ADAMTS3: variants seen among roughly 807,000 people sequenced by gnomAD.
ADAMTS3 encodes ADAM metallopeptidase with thrombospondin type 1 motif 3.
ADAMTS3 carries 73 observed loss-of-function variants against 129.0 expected under a neutral mutation model. The observed-to-expected ratio is 0.57, with a 90% CI of 0.47 to 0.69. The LOEUF (loss-of-function observed/expected upper bound fraction) is 0.69. Ranked by LOEUF, ADAMTS3 falls within the 30% of genes least tolerant of loss-of-function variation. The pLI is 0.00. For synonymous variants in ADAMTS3, 477 were observed against 510.8 expected (o/e 0.93, Z 0.89); for missense variants, 1,457 against 1,514.5 (o/e 0.96, Z 0.63).
intron 3 of ADAMTS3, among the ~76,000 whole-genome samples, chr4:72,441,276 A>G (rs1214141648): frequency 1.3e-5 from 2 of 151,754 alleles, no homozygotes; most frequent in Non-Finnish European, 2.9e-5. Context: ...ATATTTCATT[A>G]TATGAACACA....
chr4:72,303,938 T>C lies in ADAMTS3; in HGVS notation c.2403A>G (p.Leu801=). The part of the protein sequence containing the change: ...DIESLHTDGP[L]HDPVIVLIIP... The stretch of plus-strand genomic sequence containing the variant: ...ATACCAAAACAATAACAGGATCATG[T>C]AAAGGTCCATCGGTGTGAAGACTTT... The change falls in exon 17 of 22, where the codon TTA becomes TTG. Residue 801 remains leucine (L), a synonymous_variant. Transcript: ENST00000286657. 1 of 1,613,594 alleles carries C rather than the reference T, an allele frequency of 6.2e-7. No individual in the cohort carries two copies. Among genetic ancestry groups the C allele is most frequent in the South Asian group, 1.1e-5 (1 of 91,076 alleles).
At chr4:72,520,439 C>T (rs914852505) in intron 3 of ADAMTS3, among the ~76,000 whole-genome samples, 9 of 152,184 alleles carry the variant, frequency 5.9e-5, no homozygotes, top group Non-Finnish European at 1.3e-4. Context: ...GCCCTGCCCC[C>T]AGAGGTGGAG....
Position 72,343,193 on chromosome 4 carries a change from C to T in ADAMTS3, c.662-3500G>A, listed in dbSNP as rs1049630845. Among the ~76,000 whole-genome samples, 186 of 152,242 alleles carry T rather than the reference C, an allele frequency of 1.2e-3. 1 individual carries two copies. Among genetic ancestry groups the T allele is most frequent in the Non-Finnish European group, 9.9e-4 (67 of 67,996 alleles). On this transcript the variant is annotated intron_variant, in intron 4 of 21. Coordinates refer to ENST00000286657, the MANE Select transcript of ADAMTS3 (RefSeq NM_014243.3). ...AATCTTATTATTCAAATGGGCTTTC[C>T]ACCTGGCCAGTGCCATGTTGTCTCA...
intron 3 of ADAMTS3, among the ~76,000 whole-genome samples, chr4:72,496,025 G>A (rs1431816336): frequency 6.6e-6 from 1 of 152,086 alleles, no homozygotes; most frequent in Non-Finnish European, 1.5e-5. Flanking sequence ...GACTATAATG[G>A]GAGAGCTTTT....
rs568847506 is a variant in ADAMTS3, at chr4:72,538,238, GA to G, written c.504+10239del. On this transcript the variant is annotated intron_variant, in intron 3 of 21. Transcript: ENST00000286657. ...AAAACATCTAAAGAAATAATAGATG[GA>G]AAATTGCCAAATTTGATGAAAGACA... Among the ~76,000 whole-genome samples, 874 of 152,216 alleles carry G rather than the reference GA, an allele frequency of 5.7e-3. 2 individuals carry two copies. Among genetic ancestry groups the G allele is most frequent in the African/African-American group, 0.02 (840 of 41,550 alleles).
intron 3 of ADAMTS3, among the ~76,000 whole-genome samples, chr4:72,482,097 CT>C (rs1719452437): frequency 6.6e-6 from 1 of 151,986 alleles, no homozygotes; most frequent in Non-Finnish European, 1.5e-5. Context: ...AGTTCGTCAA[CT>C]TTTTAAAAAA....
intron 3 of ADAMTS3, among the ~76,000 whole-genome samples, chr4:72,522,398 A>G (rs1578759172): frequency 6.6e-6 from 1 of 152,198 alleles, no homozygotes; most frequent in South Asian, 2.1e-4. Context: ...CTTTCCACAC[A>G]ATAGATGAAA....
intron 4 of ADAMTS3, among the ~76,000 whole-genome samples, chr4:72,340,674 A>G (rs1232122099): frequency 1.3e-5 from 2 of 152,132 alleles, no homozygotes; most frequent in Non-Finnish European, 2.9e-5. Context: ...ATATACATAC[A>G]ACATACCTAT....
Position 72,530,660 on chromosome 4 carries a change from ATT to A in ADAMTS3, c.504+17816_504+17817del, listed in dbSNP as rs570373790. Among the ~76,000 whole-genome samples, 119 of 74,768 alleles carry A rather than the reference ATT, an allele frequency of 1.6e-3. 4 individuals carry two copies. The highest frequency in any genetic ancestry group is 5.2e-3 in the African/African-American group (104 of 20,064). The allele number at this position is 74,768 out of a possible 152,430, so 49.1% of individuals were successfully genotyped here. A position where few individuals can be genotyped will look rare whatever the true frequency, so the allele number is the denominator to read the frequency against. On this transcript the variant is annotated intron_variant, in intron 3 of 21. Transcript: ENST00000286657. ...ATATATTATATATAATATTATATAT[ATT>A]ATATAATATATAATATGTATAATAT...
intron 6 of ADAMTS3, among the ~76,000 whole-genome samples, chr4:72,321,909 G>A (rs1304760157): frequency 6.6e-6 from 1 of 151,956 alleles, no homozygotes; most frequent in Non-Finnish European, 1.5e-5. Context: ...AAGTTCAGGG[G>A]GGAAAAGGGC....
At chr4:72,476,328 T>G (rs1257148463) in intron 3 of ADAMTS3, among the ~76,000 whole-genome samples, 1 of 152,022 alleles carries the variant, frequency 6.6e-6, no homozygotes, top group Non-Finnish European at 1.5e-5. Context: ...AATGATAGAA[T>G]GCAATGAAAA....
intron 4 of ADAMTS3, among the ~76,000 whole-genome samples, chr4:72,379,843 T>G (rs1015326785): frequency 2.0e-5 from 3 of 152,120 alleles, no homozygotes; most frequent in Non-Finnish European, 4.4e-5. Flanking sequence ...AGTATATAAA[T>G]GTAATTCTGA....
intron 4 of ADAMTS3, among the ~76,000 whole-genome samples, chr4:72,370,649 T>C (rs184801889): frequency 2.5e-4 from 38 of 151,810 alleles, no homozygotes; most frequent in African/African-American, 3.1e-4. Flanking sequence ...ACTCAGGAGG[T>C]TGAGGCAGAA....
rs1719173953 is a variant in ADAMTS3 at position 72,309,488 on chromosome 4, A to T, written c.2088T>A (p.Asn696Lys). ...AGACACCACACTTATCCTCAACCTT[A>T]TTAGAACCAATTTCTTTATCACAGC... ...KVGCDKEIGS[N>K]KVEDKCGVCG... The change falls in exon 15 of 22, where the codon AAT becomes AAA. Residue 696 changes from asparagine (N) to lysine (K), a missense_variant. By Grantham distance (94) the Asn-to-Lys change is moderately conservative. Coordinates refer to ENST00000286657, the MANE Select transcript of ADAMTS3 (RefSeq NM_014243.3). 4 of 1,611,846 alleles carry T rather than the reference A, an allele frequency of 2.5e-6. No homozygotes were observed. The highest frequency in any genetic ancestry group is 2.5e-6 in the Non-Finnish European group (3 of 1,178,436).
At chr4:72,360,612 T>C (rs1333427235) in intron 4 of ADAMTS3, among the ~76,000 whole-genome samples, 3 of 152,070 alleles carry the variant, frequency 2.0e-5, no homozygotes, top group African/African-American at 7.2e-5. Context: ...TTCTGTGTTA[T>C]GGAAACACAT....
At chr4:72,395,369 G>A (rs1035527279) in intron 4 of ADAMTS3, among the ~76,000 whole-genome samples, 1 of 152,092 alleles carries the variant, frequency 6.6e-6, no homozygotes. Context: ...AGTCTAGCAT[G>A]TATAAGGACA....
intron 3 of ADAMTS3, among the ~76,000 whole-genome samples, chr4:72,509,895 C>T (rs1157343158): frequency 2.0e-5 from 3 of 151,610 alleles, no homozygotes; most frequent in African/African-American, 4.8e-5. Flanking sequence ...TTCAACAATA[C>T]ATTAGAAAGG....
intron 3 of ADAMTS3, among the ~76,000 whole-genome samples, chr4:72,433,128 C>T (rs2109948766): frequency 6.6e-6 from 1 of 152,004 alleles, no homozygotes; most frequent in African/African-American, 2.4e-5. Context: ...AAAAAACAAG[C>T]TTCAACCAAA....
intron 3 of ADAMTS3, among the ~76,000 whole-genome samples, chr4:72,451,228 A>G (rs1248830888): frequency 6.6e-6 from 1 of 151,730 alleles, no homozygotes; most frequent in African/African-American, 2.4e-5. Context: ...TCCTGGCTGA[A>G]TCTTAGATTC....
Sources: allele counts gnomAD v4.1 joint callset (sites outside exome capture counted in the v4.1 genomes callset), GRCh38; gene constraint gnomAD v4.1.1; transcripts MANE v1.5; gene names NCBI Gene and HGNC (gene_info 2026-07-23, HGNC 2026-07-21).